Variants in CARS2 observed in about 807,000 individuals in gnomAD.
CARS2 encodes the protein cysteinyl-tRNA synthetase 2, mitochondrial.
CARS2 carries 52 observed loss-of-function variants against 68.8 expected under a neutral mutation model. That is an observed-to-expected ratio of 0.76 (90% CI 0.61 to 0.95). The LOEUF (loss-of-function observed/expected upper bound fraction) is 0.95, where lower values mean the gene tolerates loss of function less well. Ranked by LOEUF, CARS2 falls within the 40% of genes least tolerant of loss-of-function variation. The pLI, the probability that CARS2 is intolerant of heterozygous loss-of-function variation, is 0.00. For missense variants in CARS2, 780 were observed against 754.2 expected, an observed-to-expected ratio of 1.03 and a Z score of -0.40; for synonymous variants, 314 against 303.6, an observed-to-expected ratio of 1.03 and a Z score of -0.36.
At chr13:110,661,138 A>T (rs1458945978) in intron 9 of CARS2, among the ~76,000 whole-genome samples, 5 of 152,220 alleles carry the variant, frequency 3.3e-5, no homozygotes, top group Admixed American at 3.3e-4. Flanking sequence ...GTCACCAGCT[A>T]CATTAGCCCC....
chr13:110,665,203 T>G lies in CARS2; in HGVS notation c.920-1685A>C, dbSNP rs1040503826. ...GGCTCACGCCTATAATCCCAGCACT[T>G]TGGGAGGCAGAGGTGGCAGATCACT... is the stretch of plus-strand genomic sequence containing the variant. On this transcript the variant is annotated intron_variant, in intron 8 of 14. Coordinates refer to ENST00000257347, the MANE Select transcript of CARS2 (RefSeq NM_024537.4). This position sits in a 1 kb window ranked among gnomAD's most constrained non-coding sequence, Gnocchi z 4.3. 17 of 971,338 alleles carry G rather than the reference T, an allele frequency of 1.8e-5. No homozygotes were observed. The highest frequency in any genetic ancestry group is 2.0e-5 in the Non-Finnish European group (16 of 817,054). 60.2% of individuals were successfully genotyped at this position (971,338 alleles called of 1,614,324 possible). A position where few individuals can be genotyped will look rare whatever the true frequency, so the allele number is the denominator to read the frequency against.
At chr13:110,698,486 C>T (rs1218920264) in intron 3 of CARS2, among the ~76,000 whole-genome samples, 1 of 151,546 alleles carries the variant, frequency 6.6e-6, no homozygotes, top group Admixed American at 6.6e-5. Flanking sequence ...CACCATTGCA[C>T]TCCAGCCTGT....
At chr13:110,642,637 T>A (rs766613503) in intron 13 of CARS2, 116 bp from the exon 14 acceptor site, 6 of 984,596 alleles carry the variant, frequency 6.1e-6, no homozygotes, top group East Asian at 4.8e-5. Flanking sequence ...CTTCCCTGAT[T>A]CCCTGCAGCT....
intron 5 of CARS2, among the ~76,000 whole-genome samples, chr13:110,685,992 G>GAAAAAAAAAAAAAAAAAAAAAAAAAAA (rs10668818): frequency 7.8e-6 from 1 of 128,784 alleles, no homozygotes; most frequent in Admixed American, 8.5e-5. Flanking sequence ...CAGAAAAAAT[G>GAAAAAAAAAAAAAAAAAAAAAAAAAAA]AAAAAAAAAA....
chr13:110,680,722 G>A (rs2063134711), intron 6 of CARS2, among the ~76,000 whole-genome samples: 1 of 152,212 alleles, frequency 6.6e-6, no homozygotes, highest in Admixed American at 6.5e-5. Flanking sequence ...GACACATGAC[G>A]TTTCTCCCTC....
chr13:110,680,002 TG>T (rs1157423494), intron 6 of CARS2, among the ~76,000 whole-genome samples: 4 of 152,198 alleles, frequency 2.6e-5, no homozygotes, highest in Admixed American at 6.5e-5. Context: ...TTCTGAAAAC[TG>T]GTAAGTTAAG....
At chr13:110,680,698 T>TG (rs1177039071) in intron 6 of CARS2, among the ~76,000 whole-genome samples, 1 of 152,188 alleles carries the variant, frequency 6.6e-6, no homozygotes, top group Non-Finnish European at 1.5e-5. Context: ...GAAATCCCAC[T>TG]GGGGGAACCG....
chr13:110,688,155 C>T, intron 3 of CARS2, 137 bp from the exon 4 acceptor site: 1 of 546,128 alleles, frequency 1.8e-6, no homozygotes, highest in Non-Finnish European at 3.3e-6. Context: ...CTCAGTTTGC[C>T]CCCACCCACT....
chr13:110,664,452 G>T, intron 8 of CARS2: 1 of 362,370 alleles, frequency 2.8e-6, no homozygotes, highest in Non-Finnish European at 3.8e-6. Context: ...AGGAGGTTGG[G>T]CCTAGAGTGA....
chr13:110,712,862 C>T lies in CARS2; in HGVS notation n.399+275G>A. The T allele has an allele frequency of 3.1e-6, 4 of 1,274,686 alleles. No individual in the cohort carries two copies. In the South Asian group the frequency reaches 3.8e-5, roughly 12 times the overall value. The allele number at this position is 1,274,686 out of a possible 1,614,324, so 79.0% of individuals were successfully genotyped here. A position where few individuals can be genotyped will look rare whatever the true frequency, so the allele number is the denominator to read the frequency against. On this transcript the variant is annotated intron_variant and non_coding_transcript_variant, in intron 1 of 2. Coordinates refer to the CARS2 transcript ENST00000485188. ...CAGCTTCCCTCTCAGGCCCCTTTGT[C>T]TCCAAGCCGTTCCAAACTGAGTACC...
intron 2 of CARS2, among the ~76,000 whole-genome samples, chr13:110,702,440 C>T (rs1486880229): frequency 6.6e-6 from 1 of 152,244 alleles, no homozygotes; most frequent in Non-Finnish European, 1.5e-5. Flanking sequence ...TCCAGCCTTA[C>T]CGCCTGTGCA....
intron 8 of CARS2, chr13:110,666,136 A>G: frequency 1.0e-6 from 1 of 985,368 alleles, no homozygotes; most frequent in African/African-American, 1.7e-5. Flanking sequence ...AGTGGAGTGC[A>G]GGCCCCCGGC....
At chr13:110,663,120 C>G (rs955342388) in intron 9 of CARS2, 2 of 504,130 alleles carry the variant, frequency 4.0e-6, no homozygotes, top group Non-Finnish European at 7.7e-6. Flanking sequence ...TGGGTGAGGG[C>G]GGGAAGGAAG....
At position 110,646,019 on chromosome 13, in the gene CARS2, G is replaced by A. The variant is rs749638271; in HGVS notation, c.1265C>T (p.Ala422Val). 6.2e-7 allele frequency: 1 copy of A among 1,613,990 alleles called. No homozygotes were observed. Among genetic ancestry groups the A allele is most frequent in the Admixed American group, 1.7e-5 (1 of 60,002 alleles). The change falls in exon 12 of 15, where the codon GCC becomes GTC. Residue 422 changes from alanine to valine, a missense_variant. Ala to Val is a moderately conservative substitution (Grantham distance 64). Coordinates refer to ENST00000257347, the MANE Select transcript of CARS2 (RefSeq NM_024537.4). The stretch of plus-strand genomic sequence containing the variant: ...CCCGTGGTGTGCAAGGCCCAGGATG[G>A]CATCAACCACCCTGGGTGTGTCAAA... ...DDFDTPRVVDAILGLAHHGNG... is the reference protein window; with the variant it reads ...DDFDTPRVVDVILGLAHHGNG...
chr13:110,656,003 T>G (rs1419874766), intron 9 of CARS2, among the ~76,000 whole-genome samples: 2 of 152,156 alleles, frequency 1.3e-5, no homozygotes, highest in South Asian at 4.1e-4. Flanking sequence ...TTCACAGATA[T>G]GACAAATAAA....
At chr13:110,646,180 T>A in intron 11 of CARS2, 90 bp from the exon 12 acceptor site, 1 of 1,446,746 alleles carries the variant, frequency 6.9e-7, no homozygotes, top group Non-Finnish European at 9.2e-7. Context: ...GGAGAGACGC[T>A]GGGGGCTCTA....
intron 1 of CARS2, chr13:110,712,632 G>A (rs1029334769): frequency 1.5e-5 from 8 of 551,472 alleles, no homozygotes; most frequent in African/African-American, 7.5e-5. Flanking sequence ...GGAGGGTAGA[G>A]GGGCGACGCG....
At chr13:110,691,092 T>G (rs968491332) in intron 3 of CARS2, among the ~76,000 whole-genome samples, 22 of 152,228 alleles carry the variant, frequency 1.4e-4, no homozygotes, top group African/African-American at 5.1e-4. Flanking sequence ...CTCAGCTCAC[T>G]GCAACCTCCG....
rs772851435 is a variant in CARS2, at chr13:110,644,440, A to G, written c.1361T>C (p.Ile454Thr). The change falls in exon 13 of 15, where the codon ATC (isoleucine) becomes ACC (threonine). Residue 454 changes from isoleucine to threonine, a missense_variant. Coordinates refer to ENST00000257347, the MANE Select transcript of CARS2 (RefSeq NM_024537.4). ...PRSPAVFGAI[I>T]SYFEQFFETV... is the part of the protein sequence containing the mutation. ...TTCAAAAAACTGTTCAAAGTAAGAGATGATGGCACCAAACACAGCAGGACT... is the reference window on the plus strand; with the variant it reads ...TTCAAAAAACTGTTCAAAGTAAGAGGTGATGGCACCAAACACAGCAGGACT... 1.2e-6 allele frequency: 2 copies of G among 1,613,990 alleles called. No homozygotes were observed. Among genetic ancestry groups the G allele is most frequent in the Non-Finnish European group, 1.7e-6 (2 of 1,180,038 alleles).
Sources: allele counts gnomAD v4.1 joint callset (sites outside exome capture counted in the v4.1 genomes callset), GRCh38; gene constraint gnomAD v4.1.1; non-coding constraint Gnocchi (gnomAD v3.1); transcripts MANE v1.5; gene names NCBI Gene and HGNC (gene_info 2026-07-23, HGNC 2026-07-21).